The following ZFAND3 variants were observed in gnomAD, a reference collection of about 807,000 sequenced individuals.
ZFAND3 encodes zinc finger AN1-type containing 3, also known as AN1-type zinc finger protein 3.
A neutral mutation model predicts 29.6 loss-of-function variants in ZFAND3; 10 were observed. The ratio of observed to expected loss-of-function variants is 0.34; its 90% CI spans 0.21 to 0.57. ZFAND3 has a LOEUF of 0.57. Ranked by LOEUF, ZFAND3 falls within the 20% of genes least tolerant of loss-of-function variation. ZFAND3 has a pLI of 0.86. For missense variants in ZFAND3, 230 were observed against 304.5 expected (o/e 0.76, Z 1.82); for synonymous variants, 128 against 112.6 (o/e 1.14, Z -0.87).
chr6:38,011,989 A>T (rs1763161803), intron 2 of ZFAND3, among the ~76,000 whole-genome samples: 1 of 152,192 alleles, frequency 6.6e-6, no homozygotes, highest in Non-Finnish European at 1.5e-5. Context: ...AAAATTAGAC[A>T]TTTGATAGTT....
intron 2 of ZFAND3, among the ~76,000 whole-genome samples, chr6:37,987,894 A>G (rs1762696918): frequency 6.6e-6 from 1 of 152,208 alleles, no homozygotes; most frequent in Non-Finnish European, 1.5e-5. Context: ...TTCAAAATGA[A>G]ATATCCTCTT....
At chr6:37,921,169 C>A (rs559447734) in intron 1 of ZFAND3, among the ~76,000 whole-genome samples, 2 of 152,194 alleles carry the variant, frequency 1.3e-5, no homozygotes, top group African/African-American at 4.8e-5. Flanking sequence ...AGGTTGAATT[C>A]AGAAATGTGA....
intron 5 of ZFAND3, among the ~76,000 whole-genome samples, chr6:38,139,285 A>C (rs1581952219): frequency 6.6e-6 from 1 of 152,148 alleles, no homozygotes; most frequent in South Asian, 2.1e-4. Context: ...AAATATTTTG[A>C]GTGAACCAAG....
At chr6:37,926,588 T>C (rs1038010622) in intron 1 of ZFAND3, among the ~76,000 whole-genome samples, 2 of 152,166 alleles carry the variant, frequency 1.3e-5, no homozygotes, top group African/African-American at 4.8e-5. Context: ...TCAAAATCAT[T>C]AATTAATTTG....
chr6:38,123,300 T>C lies in ZFAND3; in HGVS notation c.529+6561T>C, dbSNP rs561429418. On this transcript the variant is annotated intron_variant, in intron 5 of 5. Coordinates refer to ENST00000287218, the MANE Select transcript of ZFAND3 (RefSeq NM_021943.3). The stretch of plus-strand genomic sequence containing the variant: ...GGAGCTGCAGTGATTAGGACACATG[T>C]TGGGGACATGCATTACCAGGCTGAT... Among the ~76,000 whole-genome samples, 11 of 152,264 alleles carry C rather than the reference T, an allele frequency of 7.2e-5. No homozygotes were observed. The East Asian group carries it at 2.1e-3, about 29-fold the overall frequency.
intron 2 of ZFAND3, among the ~76,000 whole-genome samples, chr6:37,979,495 T>C (rs1183948836): frequency 6.6e-6 from 1 of 152,158 alleles, no homozygotes; most frequent in Non-Finnish European, 1.5e-5. Context: ...ATGGTGTGTG[T>C]GTGTTTAAAA....
At chr6:37,951,241 C>T (rs1175350782) in intron 2 of ZFAND3, among the ~76,000 whole-genome samples, 1 of 151,950 alleles carries the variant, frequency 6.6e-6, no homozygotes, top group African/African-American at 2.4e-5. Context: ...TGGAACGTTG[C>T]CGAAGTTGTT....
intron 2 of ZFAND3, among the ~76,000 whole-genome samples, chr6:37,964,988 T>C (rs990108088): frequency 6.6e-6 from 1 of 152,214 alleles, no homozygotes; most frequent in African/African-American, 2.4e-5. Context: ...TATTAGCTTA[T>C]TGTGTGTAAA....
rs1562016181 is a variant in ZFAND3 at position 38,144,225 on chromosome 6, A to AT, written c.530-8009dup. ...TATATATATATAATATATAATATATATATATATTTTTTTTTTAATAAGGTT... is the reference window on the plus strand; with the variant it reads ...TATATATATATAATATATAATATATATTATATATTTTTTTTTTAATAAGGTT... On this transcript the variant is annotated intron_variant, in intron 5 of 5. Coordinates refer to ENST00000287218, the MANE Select transcript of ZFAND3 (RefSeq NM_021943.3). Among the ~76,000 whole-genome samples the AT allele has an allele frequency of 1.9e-4, 14 of 75,532 alleles. 1 individual carries two copies. Among genetic ancestry groups the AT allele is most frequent in the East Asian group, 1.8e-3 (5 of 2,732 alleles). 49.6% of individuals were successfully genotyped at this position (75,532 alleles called of 152,430 possible).
intron 2 of ZFAND3, among the ~76,000 whole-genome samples, chr6:37,990,393 T>G (rs1342250234): frequency 6.6e-6 from 1 of 152,154 alleles, no homozygotes; most frequent in East Asian, 1.9e-4. Context: ...GGGTATGTAC[T>G]TCCTAGAGCC....
chr6:37,859,862 G>GTTTTTTTTTT (rs55850662), intron 1 of ZFAND3, among the ~76,000 whole-genome samples: 89 of 133,234 alleles, frequency 6.7e-4, no homozygotes, highest in Non-Finnish European at 1.2e-3. Context: ...GCTGGAGTGG[G>GTTTTTTTTTT]TTTTTTTTTT....
chr6:38,140,660 TG>T (rs1421946434), intron 5 of ZFAND3, among the ~76,000 whole-genome samples: 4 of 152,168 alleles, frequency 2.6e-5, no homozygotes, highest in Non-Finnish European at 5.9e-5. Flanking sequence ...CAGCTGTTCA[TG>T]GGGTGTTTTT....
intron 1 of ZFAND3, among the ~76,000 whole-genome samples, chr6:37,922,003 A>C (rs933122739): frequency 6.6e-6 from 1 of 151,178 alleles, no homozygotes; most frequent in African/African-American, 2.4e-5. Flanking sequence ...GGCGGAGGTC[A>C]CAGTGAGCCG....
intron 1 of ZFAND3, among the ~76,000 whole-genome samples, chr6:37,824,919 T>C (rs1322824414): frequency 6.6e-6 from 1 of 152,250 alleles, no homozygotes; most frequent in Non-Finnish European, 1.5e-5. Flanking sequence ...ATAAATTTCA[T>C]TTCTGAAATC....
intron 1 of ZFAND3, among the ~76,000 whole-genome samples, chr6:37,880,574 T>A (rs1764873815): frequency 6.6e-6 from 1 of 152,118 alleles, no homozygotes; most frequent in South Asian, 2.1e-4. Context: ...AGTTAAAAAG[T>A]GTGTATTACA....
chr6:38,028,254 G>C (rs917114217), intron 2 of ZFAND3, among the ~76,000 whole-genome samples: 7 of 152,166 alleles, frequency 4.6e-5, no homozygotes, highest in Non-Finnish European at 2.9e-5. Context: ...ACAAGACAGT[G>C]ATGTATATGA....
chr6:37,864,660 TGTGTGG>T (rs1764552562), intron 1 of ZFAND3, among the ~76,000 whole-genome samples: 1 of 152,070 alleles, frequency 6.6e-6, no homozygotes, highest in East Asian at 1.9e-4. Flanking sequence ...TATATGTATG[TGTGTGG>T]GTGTATATGT....
rs1042006480 is a variant in ZFAND3 at position 38,153,765 on chromosome 6, A to G, written c.*1376A>G. On this transcript the variant is annotated 3_prime_UTR_variant, in exon 6 of 6. Transcript: ENST00000287218. ...GTGGACAGGATCAGGATTCCCTTGA[A>G]AGCCCAGGCAGGGTGAGCAGTCCCA... 1 of 985,370 alleles carries G rather than the reference A, an allele frequency of 1.0e-6. No individual in the cohort carries two copies. The highest frequency in any genetic ancestry group is 4.7e-5 in the South Asian group (1 of 21,284). The allele number at this position is 985,370 out of a possible 1,614,324, so 61.0% of individuals were successfully genotyped here. A position where few individuals can be genotyped will look rare whatever the true frequency, so the allele number is the denominator to read the frequency against.
rs576226895 is a variant in ZFAND3 at position 38,090,816 on chromosome 6, A to G, written c.361+8359A>G. 1.8e-4 allele frequency among the ~76,000 whole-genome samples: 28 copies of G among 152,322 alleles called. No homozygotes were observed. The East Asian group carries it at 5.0e-3, about 27-fold the overall frequency. On this transcript the variant is annotated intron_variant, in intron 4 of 5. Coordinates refer to ENST00000287218, the MANE Select transcript of ZFAND3 (RefSeq NM_021943.3). The stretch of plus-strand genomic sequence containing the variant: ...TAGATGATTTGATACTCAATATGTA[A>G]ATAATAGGTGGGTTTAAAGGCACCT...
Sources: gnomAD v4.1 joint callset for allele counts (sites outside exome capture counted in the v4.1 genomes callset) on GRCh38, gnomAD v4.1.1 for gene constraint, MANE v1.5 for transcripts, NCBI Gene and HGNC (gene_info 2026-07-23, HGNC 2026-07-21) for gene names.